The following GPHN variants were observed in gnomAD, a reference collection of about 807,000 sequenced individuals.
GPHN encodes the protein gephyrin.
GPHN carries 17 observed loss-of-function variants against 95.5 expected under a neutral mutation model. The observed-to-expected ratio is 0.18, with a 90% CI of 0.12 to 0.27. GPHN has a LOEUF of 0.27. GPHN is among the 10% of genes least tolerant of loss of function. The pLI is 1.00. For synonymous variants in GPHN, 320 were observed against 322.5 expected (o/e 0.99, Z 0.08); for missense variants, 660 against 978.1 (o/e 0.67, Z 4.34).
rs145931920 is a variant in GPHN, at chr14:66,813,907, T to C, written c.202-10567T>C. On this transcript the variant is annotated intron_variant, in intron 3 of 22. Transcript: ENST00000478722. Reference sequence around the variant, plus strand: ...ACCCACGCCGTAGCTTCAACACTGATGGACCATGCCTGACCAGTAGAGAGT... The same window carrying C: ...ACCCACGCCGTAGCTTCAACACTGACGGACCATGCCTGACCAGTAGAGAGT... Among the ~76,000 whole-genome samples the C allele has an allele frequency of 2.8e-3, 423 of 152,258 alleles. 3 individuals are homozygous for C. Among genetic ancestry groups the C allele is most frequent in the African/African-American group, 9.3e-3 (388 of 41,554 alleles).
chr14:66,674,996 A>G (rs903763960), intron 1 of GPHN, among the ~76,000 whole-genome samples: 13 of 152,132 alleles, frequency 8.5e-5, no homozygotes, highest in Admixed American at 2.0e-4. Context: ...TTGATCTTTT[A>G]TAATAGCCAT....
At chr14:67,005,324 C>A (rs1452180042) in intron 9 of GPHN, among the ~76,000 whole-genome samples, 5 of 151,732 alleles carry the variant, frequency 3.3e-5, no homozygotes, top group African/African-American at 1.2e-4. Flanking sequence ...TAATAGTATT[C>A]TTTCACCATT....
At chr14:66,850,927 TATA>T (rs2062555233) in intron 4 of GPHN, among the ~76,000 whole-genome samples, 1 of 152,086 alleles carries the variant, frequency 6.6e-6, no homozygotes, top group Non-Finnish European at 1.5e-5. Flanking sequence ...GATATTAACA[TATA>T]ATAATGTAAT....
Position 66,635,405 on chromosome 14 carries a change from C to G in GPHN, c.65-45702C>G, listed in dbSNP as rs1303138066. 4.6e-5 allele frequency among the ~76,000 whole-genome samples: 7 copies of G among 152,084 alleles called. No homozygotes were observed. In the East Asian group the frequency reaches 1.3e-3, roughly 29 times the overall value. On this transcript the variant is annotated intron_variant, in intron 1 of 22. Coordinates refer to ENST00000478722, the MANE Select transcript of GPHN (RefSeq NM_020806.5). ...ATTTCCTGTGAAATTTTGAAACTTA[C>G]TTTGAAACTTTGAAAGATTATTAGC...
chr14:66,681,001 A>G (rs2066904220), intron 1 of GPHN, 106 bp from the exon 2 acceptor site: 2 of 583,912 alleles, frequency 3.4e-6, no homozygotes, highest in South Asian at 3.9e-5. Context: ...GGAAAAATGA[A>G]AAAAAAAAAG....
chr14:67,422,210 T>C, the GPHN span, among the ~76,000 whole-genome samples: 9 of 152,234 alleles, frequency 5.9e-5, no homozygotes, highest in South Asian at 1.9e-3. Flanking sequence ...ACCACTCCTA[T>C]AGCTTAGAGC....
intron 9 of GPHN, among the ~76,000 whole-genome samples, chr14:66,971,191 G>T (rs577103326): frequency 2.6e-5 from 4 of 152,292 alleles, no homozygotes; most frequent in Admixed American, 6.5e-5. Context: ...AGCCAGGCGC[G>T]TTGGCACATG....
chr14:67,150,786 G>T lies in GPHN; in HGVS notation c.1836+7337G>T, dbSNP rs187831414. 3.0e-3 allele frequency among the ~76,000 whole-genome samples: 452 copies of T among 152,028 alleles called. 3 individuals are homozygous for T. Among genetic ancestry groups the T allele is most frequent in the African/African-American group, 0.01 (435 of 41,468 alleles). The stretch of plus-strand genomic sequence containing the variant: ...GCTCAAGTTGGTCTCTAACTTCTGG[G>T]CTTAAGCAATAATCCTCCTGCCTCA... On this transcript the variant is annotated intron_variant, in intron 18 of 22. Transcript: ENST00000478722.
At chr14:67,257,032 T>C in the GPHN span, among the ~76,000 whole-genome samples, 1 of 152,148 alleles carries the variant, frequency 6.6e-6, no homozygotes, top group Admixed American at 6.5e-5. Context: ...AAATACGTTT[T>C]AGGGAGACAT....
intron 11 of GPHN, among the ~76,000 whole-genome samples, chr14:67,062,869 T>C (rs1185315324): frequency 6.6e-6 from 1 of 152,216 alleles, no homozygotes; most frequent in Non-Finnish European, 1.5e-5. Context: ...ATTCTGTAGG[T>C]TGCCTATTCA....
At chr14:67,341,983 GCAGCATGCTCGTTAAGAGT>G in the GPHN span, among the ~76,000 whole-genome samples, 1 of 151,634 alleles carries the variant, frequency 6.6e-6, no homozygotes. Context: ...ATGCTTGAAG[GCAGCATGCTCGTTAAGAGT>G]CATCACCACT....
the GPHN span, among the ~76,000 whole-genome samples, chr14:67,256,075 A>G: frequency 2.7e-5 from 4 of 149,740 alleles, no homozygotes; most frequent in South Asian, 2.1e-4. Flanking sequence ...TTTTTCCTCA[A>G]ATTATAAAAG....
intron 21 of GPHN, 72 bp from the exon 22 acceptor site, chr14:67,179,506 C>G (rs2083207785): frequency 3.5e-6 from 3 of 853,200 alleles, no homozygotes; most frequent in Non-Finnish European, 6.1e-6. Context: ...CTTTGCACAA[C>G]CCCTACTATC....
At chr14:67,675,523 G>A in the GPHN span, among the ~76,000 whole-genome samples, 1 of 152,164 alleles carries the variant, frequency 6.6e-6, no homozygotes, top group Non-Finnish European at 1.5e-5. Flanking sequence ...ACCCAGTTAG[G>A]ATGACCTCGA....
intron 3 of GPHN, among the ~76,000 whole-genome samples, chr14:66,814,039 G>A (rs1205570538): frequency 1.3e-5 from 2 of 152,122 alleles, no homozygotes; most frequent in East Asian, 1.9e-4. Context: ...GCTGATGCAT[G>A]TCTACACAGG....
chr14:67,268,354 C>A, the GPHN span, among the ~76,000 whole-genome samples: 1 of 152,204 alleles, frequency 6.6e-6, no homozygotes, highest in Non-Finnish European at 1.5e-5. Flanking sequence ...GGGTCCCGAT[C>A]CAGATCCCAG....
At chr14:67,121,255 T>C (rs1190413373) in intron 16 of GPHN, among the ~76,000 whole-genome samples, 9 of 152,190 alleles carry the variant, frequency 5.9e-5, no homozygotes, top group Non-Finnish European at 1.3e-4. Flanking sequence ...AAGGACCCCC[T>C]ACTCTTAGGT....
At chr14:67,345,658 G>T in the GPHN span, 2 of 653,274 alleles carry the variant, frequency 3.1e-6, no homozygotes, top group Admixed American at 5.4e-5. Context: ...AGGATCATGG[G>T]AACAGTTAAA....
intron 1 of GPHN, among the ~76,000 whole-genome samples, chr14:66,602,911 A>T (rs2062326255): frequency 6.6e-6 from 1 of 151,916 alleles, no homozygotes; most frequent in African/African-American, 2.4e-5. Context: ...AAATTAATTC[A>T]TATATTTCAA....
Sources: gnomAD v4.1 joint callset for allele counts (sites outside exome capture counted in the v4.1 genomes callset) on GRCh38, gnomAD v4.1.1 for gene constraint, MANE v1.5 for transcripts, NCBI Gene and HGNC (gene_info 2026-07-23, HGNC 2026-07-21) for gene names.